The following SPTAN1 variants were observed in gnomAD, a reference collection of about 807,000 sequenced individuals.
The protein encoded by SPTAN1 is spectrin alpha, non-erythrocytic 1, also known as spectrin alpha chain, non-erythrocytic 1.
A neutral mutation model predicts 331.3 loss-of-function variants in SPTAN1; 61 were observed. That is an observed-to-expected ratio of 0.18 (90% confidence interval 0.15 to 0.23). The LOEUF is 0.23. SPTAN1 is among the 10% of genes least tolerant of loss of function. The pLI, the probability that SPTAN1 is intolerant of heterozygous loss-of-function variation, is 1.00. For synonymous variants in SPTAN1, 1,153 were observed against 1,173.9 expected (o/e 0.98, Z 0.36); for missense variants, 2,043 against 3,147.9 (o/e 0.65, Z 8.40).
At chr9:128,587,237 A>G (rs1381365185) in intron 19 of SPTAN1, among the ~76,000 whole-genome samples, 1 of 151,986 alleles carries the variant, frequency 6.6e-6, no homozygotes, top group African/African-American at 2.4e-5. Flanking sequence ...GGCACGCACC[A>G]TCACATCTGG....
At chr9:128,616,329 G>A (rs1857164330) in intron 41 of SPTAN1, among the ~76,000 whole-genome samples, 1 of 151,488 alleles carries the variant, frequency 6.6e-6, no homozygotes. Context: ...TGTTGGCCAG[G>A]CTAGTCTCGA....
At chr9:128,613,935 G>T (rs1010895632) in intron 40 of SPTAN1, among the ~76,000 whole-genome samples, 1 of 151,780 alleles carries the variant, frequency 6.6e-6, no homozygotes, top group African/African-American at 2.4e-5. Context: ...AGCCCAGGAG[G>T]CGGAGGTTGC....
chr9:128,615,915 G>C, intron 41 of SPTAN1, 75 bp downstream of exon 41: 1 of 1,517,946 alleles, frequency 6.6e-7, no homozygotes, highest in Non-Finnish European at 9.1e-7. Flanking sequence ...GCTGACTGTT[G>C]AGTGGTGAGG....
chr9:128,569,612 A>G (rs1199943757), intron 3 of SPTAN1, among the ~76,000 whole-genome samples: 4 of 151,968 alleles, frequency 2.6e-5, no homozygotes, highest in Admixed American at 6.6e-5. Flanking sequence ...TTTGATATAC[A>G]TCATGTCTAG....
chr9:128,576,989 T>G, intron 6 of SPTAN1, 33 bp downstream of exon 6: 2 of 1,613,896 alleles, frequency 1.2e-6, no homozygotes, highest in Non-Finnish European at 1.7e-6. Context: ...GGGGAATGGG[T>G]CTCAACCTGG....
intron 1 of SPTAN1, among the ~76,000 whole-genome samples, chr9:128,557,485 C>T (rs548383055): frequency 3.3e-5 from 5 of 152,212 alleles, no homozygotes; most frequent in East Asian, 1.9e-4. Flanking sequence ...AGTGGGATTC[C>T]CACCCACTGC....
At chr9:128,585,621 T>G (rs1305643440) in intron 18 of SPTAN1, 127 bp from the exon 19 acceptor site, 1 of 818,008 alleles carries the variant, frequency 1.2e-6, no homozygotes, top group Non-Finnish European at 2.0e-6. Flanking sequence ...AATGGAATTA[T>G]GAAAGGGCAC....
At position 128,584,271 on chromosome 9, in the gene SPTAN1, T is replaced by C. The variant is rs2131160242; in HGVS notation, c.2194-11T>C. On this transcript the variant is annotated splice_polypyrimidine_tract_variant and intron_variant, in intron 16 of 56. Coordinates refer to ENST00000372739, the MANE Select transcript of SPTAN1 (RefSeq NM_001130438.3). ...CAAAGTAAAGTCTGCTCTGTCCTTTTGCATTCCCAGGACCGAATTGATGGC... is the reference window on the plus strand; with the variant it reads ...CAAAGTAAAGTCTGCTCTGTCCTTTCGCATTCCCAGGACCGAATTGATGGC... 2 of 1,614,196 alleles carry C rather than the reference T, an allele frequency of 1.2e-6. No individual in the cohort carries two copies. The highest frequency in any genetic ancestry group is 1.7e-6 in the Non-Finnish European group (2 of 1,180,036).
intron 30 of SPTAN1, 45 bp from the exon 31 acceptor site, chr9:128,605,251 G>C: frequency 6.2e-7 from 1 of 1,614,098 alleles, no homozygotes; most frequent in African/African-American, 1.3e-5. Context: ...GTTCTGCAGA[G>C]CATACCCCCT....
intron 37 of SPTAN1, chr9:128,611,461 C>T (rs1856547976): frequency 2.2e-6 from 1 of 454,366 alleles, no homozygotes; most frequent in Admixed American, 3.3e-5. Flanking sequence ...CTGAGCAAGA[C>T]CCTGTCTCAA....
rs945829 is a variant in SPTAN1 at position 128,577,619 on chromosome 9, A to G, written c.1085+113A>G. Reference sequence around the variant, plus strand: ...TCTGTGAAAGTGTCAGGTATCACCTACAAATGCAAATCACTTCTTACCTAT... The same window carrying G: ...TCTGTGAAAGTGTCAGGTATCACCTGCAAATGCAAATCACTTCTTACCTAT... On this transcript the variant is annotated intron_variant, in intron 8 of 56. Transcript: ENST00000372739. This position sits in a 1 kb window ranked among gnomAD's most constrained non-coding sequence, Gnocchi z 4.2. 0.01 allele frequency: 14,529 copies of G among 1,406,740 alleles called. 97 individuals are homozygous for G. Among genetic ancestry groups the G allele is most frequent in the Non-Finnish European group, 0.012 (12,416 of 1,003,336 alleles). The allele number at this position is 1,406,740 out of a possible 1,614,324, so 87.1% of individuals were successfully genotyped here. A position where few individuals can be genotyped will look rare whatever the true frequency, so the allele number is the denominator to read the frequency against.
At chr9:128,619,129 G>C (rs1237281379) in intron 44 of SPTAN1, 126 bp downstream of exon 44, 1 of 1,401,642 alleles carries the variant, frequency 7.1e-7, no homozygotes, top group Non-Finnish European at 9.9e-7. Context: ...CAGCAGCCAA[G>C]GCCTCAGTAG....
intron 39 of SPTAN1, among the ~76,000 whole-genome samples, chr9:128,612,519 T>C (rs1404862525): frequency 1.3e-5 from 2 of 152,226 alleles, no homozygotes; most frequent in African/African-American, 4.8e-5. Context: ...TTATATGGCA[T>C]GCAGCTCTAA....
At chr9:128,616,393 G>A (rs1282418836) in intron 41 of SPTAN1, among the ~76,000 whole-genome samples, 1 of 151,622 alleles carries the variant, frequency 6.6e-6, no homozygotes, top group Admixed American at 6.6e-5. Context: ...CCAAAGTGCT[G>A]TGATCACAGG....
At chr9:128,570,319 TATATATATA>T (rs1363584076) in intron 3 of SPTAN1, among the ~76,000 whole-genome samples, 99 of 34,104 alleles carry the variant, frequency 2.9e-3, no homozygotes, top group African/African-American at 0.012. Flanking sequence ...TATATATATA[TATATATATA>T]TATTTTTTTT....
chr9:128,581,744 T>A lies in SPTAN1; in HGVS notation c.1462-38T>A, dbSNP rs752668137. 17 of 1,502,654 alleles carry A rather than the reference T, an allele frequency of 1.1e-5. 1 individual carries two copies. The Middle Eastern group carries it at 8.5e-4, about 75-fold the overall frequency. 93.1% of individuals were successfully genotyped at this position (1,502,654 alleles called of 1,614,324 possible). A position where few individuals can be genotyped will look rare whatever the true frequency, so the allele number is the denominator to read the frequency against. ...TCACAGTCTTAGAAGATCAAAGGAATAGGACATTATTCTGAACACTTTGTT... is the reference window on the plus strand; with the variant it reads ...TCACAGTCTTAGAAGATCAAAGGAAAAGGACATTATTCTGAACACTTTGTT... On this transcript the variant is annotated intron_variant, in intron 11 of 56. Transcript: ENST00000372739.
intron 1 of SPTAN1, among the ~76,000 whole-genome samples, chr9:128,558,948 G>T (rs898293749): frequency 6.6e-6 from 1 of 152,168 alleles, no homozygotes; most frequent in Non-Finnish European, 1.5e-5. Flanking sequence ...ACTGGAACTC[G>T]TGTAGATAAA....
chr9:128,584,019 G>T, intron 16 of SPTAN1, 50 bp downstream of exon 16: 1 of 1,610,290 alleles, frequency 6.2e-7, no homozygotes, highest in Non-Finnish European at 8.5e-7. Context: ...AGAAACTATA[G>T]GAGGGAGGAA....
intron 27 of SPTAN1, among the ~76,000 whole-genome samples, chr9:128,601,955 C>T (rs1221107542): frequency 1.3e-5 from 2 of 152,168 alleles, no homozygotes; most frequent in Non-Finnish European, 2.9e-5. Context: ...TCTTACGTAG[C>T]AAAACTTGGT....
Sources: gnomAD v4.1 joint callset for allele counts (sites outside exome capture counted in the v4.1 genomes callset) on GRCh38, gnomAD v4.1.1 for gene constraint, Gnocchi (gnomAD v3.1) non-coding constraint, MANE v1.5 for transcripts, NCBI Gene and HGNC (gene_info 2026-07-23, HGNC 2026-07-21) for gene names.